TKT: variants seen among roughly 807,000 people sequenced by gnomAD.
The protein encoded by TKT is epididymis luminal protein 107.
Under a neutral mutation model 63.9 loss-of-function variants are expected in TKT, and 47 were observed. The observed-to-expected ratio is 0.74, with a 90% CI of 0.58 to 0.94. The LOEUF (loss-of-function observed/expected upper bound fraction) is 0.94. Among genes scored for constraint, TKT ranks in the 40% least tolerant of loss-of-function variants. The probability of loss-of-function intolerance (pLI) is 0.00; values close to 1 mark genes in which losing one functional copy is unlikely to be tolerated. For synonymous variants in TKT, 338 were observed against 334.1 expected (o/e 1.01, Z -0.13); for missense variants, 721 against 846.2 (o/e 0.85, Z 1.84).
chr3:53,250,183 C>T (rs1160309146), intron 1 of TKT, among the ~76,000 whole-genome samples: 2 of 152,192 alleles, frequency 1.3e-5, no homozygotes, highest in East Asian at 1.9e-4. Context: ...GCAATCTCAA[C>T]GGTCATGCTC....
chr3:53,237,203 C>T (rs180930156), intron 4 of TKT, among the ~76,000 whole-genome samples: 3 of 152,046 alleles, frequency 2.0e-5, no homozygotes, highest in Admixed American at 1.3e-4. Flanking sequence ...TCCTGGCCAA[C>T]GTCATGAAAC....
chr3:53,229,662 A>G (rs1553676546), intron 8 of TKT, among the ~76,000 whole-genome samples: 1 of 152,086 alleles, frequency 6.6e-6, no homozygotes. Flanking sequence ...CCAGGCCCCA[A>G]ATCACTCATC....
chr3:53,241,160 C>A lies in TKT; in HGVS notation c.311G>T (p.Ser104Ile). The A allele has an allele frequency of 6.3e-7, 1 of 1,581,600 alleles. No homozygotes were observed. Residue 104 changes from serine to isoleucine, a missense_variant, in exon 3 of 14, where the codon AGC becomes ATC. Coordinates refer to ENST00000462138, the MANE Select transcript of TKT (RefSeq NM_001064.4). ...EAELLNLRKI[S>I]SDLDGHPVPK... is the part of the protein sequence containing the mutation. ...GACCGGGTGCCCGTCCAAGTCGGAG[C>A]TGATCTTCCTCAGGTTCAGCAGCTC...
At position 53,225,079 on chromosome 3, in the gene TKT, T is replaced by C. The variant is rs116990537; in HGVS notation, c.*677A>G. 6 of 152,272 alleles carry C rather than the reference T, an allele frequency of 3.9e-5. No homozygotes were observed. The highest frequency in any genetic ancestry group is 3.9e-4 in the East Asian group (2 of 5,180). The allele number at this position is 152,272 out of a possible 1,614,324, so 9.4% of individuals were successfully genotyped here. A position where few individuals can be genotyped will look rare whatever the true frequency, so the allele number is the denominator to read the frequency against. On this transcript the variant is annotated 3_prime_UTR_variant, in exon 14 of 14. Coordinates refer to ENST00000462138, the MANE Select transcript of TKT (RefSeq NM_001064.4). ...TTGTCACATGGAGTCCCAGGCCCCA[T>C]TGGCAAGACCCAGAAATCTGCATTT... is the stretch of plus-strand genomic sequence containing the variant.
chr3:53,234,862 A>G, intron 5 of TKT, 121 bp downstream of exon 5: 1 of 997,366 alleles, frequency 1.0e-6, no homozygotes, highest in Non-Finnish European at 1.4e-6. Context: ...TGCTAAAGAA[A>G]GGGACCTTTA....
chr3:53,238,820 C>T (rs1399881400), intron 4 of TKT, among the ~76,000 whole-genome samples: 1 of 152,234 alleles, frequency 6.6e-6, no homozygotes, highest in Non-Finnish European at 1.5e-5. Flanking sequence ...GTTCTCACAC[C>T]ACTACCCAAC....
chr3:53,241,001 C>G (rs1705245915), intron 3 of TKT, 131 bp downstream of exon 3: 2 of 748,406 alleles, frequency 2.7e-6, no homozygotes, highest in African/African-American at 3.7e-5. Flanking sequence ...TCTTTCCTTC[C>G]TCAACTCAAT....
intron 1 of TKT, among the ~76,000 whole-genome samples, chr3:53,246,605 C>A (rs1171552402): frequency 6.6e-6 from 1 of 152,122 alleles, no homozygotes; most frequent in Non-Finnish European, 1.5e-5. Flanking sequence ...GTAATCCCAG[C>A]ACTTTGGGAG....
At chr3:53,251,677 T>C (rs1213491788) in intron 1 of TKT, among the ~76,000 whole-genome samples, 4 of 152,152 alleles carry the variant, frequency 2.6e-5, no homozygotes, top group African/African-American at 9.7e-5. Flanking sequence ...CAGCAAAAGA[T>C]TGGACCAAAG....
chr3:53,250,254 G>A (rs1287615716), intron 1 of TKT, among the ~76,000 whole-genome samples: 1 of 152,232 alleles, frequency 6.6e-6, no homozygotes, highest in East Asian at 1.9e-4. Flanking sequence ...CAGGCCCAGA[G>A]AGGCGGAGCC....
At position 53,229,005 on chromosome 3, in the gene TKT, ACCTTTGTATTGG is replaced by A; in HGVS notation, c.1385_1395+1del. The A allele has an allele frequency of 6.2e-7, 1 of 1,614,000 alleles. No homozygotes were observed. The highest frequency in any genetic ancestry group is 8.5e-7 in the Non-Finnish European group (1 of 1,179,980). ...AGGAGAAAGAACAGCCATGCAACCTACCTTTGTATTGGCGGCTAGTTCCACTGCCTTCTCTGT... is the reference window on the plus strand; with the variant it reads ...AGGAGAAAGAACAGCCATGCAACCTACGGCTAGTTCCACTGCCTTCTCTGT... On this transcript the variant is annotated splice_donor_variant and coding_sequence_variant, in exon 10 of 14. Transcript: ENST00000462138. LOFTEE classifies it high-confidence loss of function.
In TKT at chr3:53,241,222, G is replaced by A. The variant is rs782033095; in HGVS notation, c.249C>T (p.Tyr83=). 66 of 1,601,716 alleles carry A rather than the reference G, an allele frequency of 4.1e-5. No individual in the cohort carries two copies. Among genetic ancestry groups the A allele is most frequent in the South Asian group, 5.6e-5 (5 of 89,270 alleles). ...LSKGHAAPIL[Y]AVWAEAGFLA... is the part of the protein sequence containing the mutation. ...GGAAACCAGCTTCAGCCCAGACCGCGTAGAGGATGGGAGCTGCATGGCCCT... is the reference window on the plus strand; with the variant it reads ...GGAAACCAGCTTCAGCCCAGACCGCATAGAGGATGGGAGCTGCATGGCCCT... Residue 83 remains tyrosine (Y), a synonymous_variant, in exon 3 of 14, where the codon TAC becomes TAT. Transcript: ENST00000462138.
chr3:53,231,891 C>T (rs535532434), intron 6 of TKT: 14 of 327,564 alleles, frequency 4.3e-5, no homozygotes, highest in South Asian at 1.3e-4. Flanking sequence ...CCCACAACCC[C>T]GCCTGCAGGG....
rs558590436 is a variant in TKT, at chr3:53,227,896, A to T, written c.1573+160T>A. The stretch of plus-strand genomic sequence containing the variant: ...AACATGCCAGACAGAACAAGTGCTC[A>T]AAGGATGGCTATAATTGCTATCATT... On this transcript the variant is annotated intron_variant, in intron 12 of 13. Coordinates refer to ENST00000462138, the MANE Select transcript of TKT (RefSeq NM_001064.4). The T allele has an allele frequency of 1.2e-5, 8 of 650,796 alleles. No individual in the cohort carries two copies. In the African/African-American group the frequency reaches 1.5e-4, roughly 12 times the overall value. The allele number at this position is 650,796 out of a possible 1,614,324, so 40.3% of individuals were successfully genotyped here.
At chr3:53,235,232 C>G in intron 4 of TKT, 58 bp from the exon 5 acceptor site, 2 of 1,302,660 alleles carry the variant, frequency 1.5e-6, no homozygotes, top group South Asian at 3.0e-5. Context: ...CTGGCTCCCA[C>G]CCCCCCACCC....
In TKT at chr3:53,240,274, G is replaced by A. The variant is rs146114378; in HGVS notation, c.414C>T (p.Thr138=). ...ACCTGGCCTTGTCGAAGTATTTGCC[G>A]GTGTAGGCCATCCCACAAGCGGCCC... ...GLGAACGMAY[T]GKYFDKASYR... is the part of the protein sequence containing the mutation. The change falls in exon 4 of 14, where the codon ACC becomes ACT. Residue 138 remains threonine, a synonymous_variant. Transcript: ENST00000462138. The A allele has an allele frequency of 9.5e-5, 153 of 1,613,088 alleles. No individual in the cohort carries two copies. The highest frequency in any genetic ancestry group is 1.6e-4 in the Middle Eastern group (1 of 6,078).
Position 53,230,197 on chromosome 3 carries a change from C to T in TKT, c.1107+260G>A, listed in dbSNP as rs1266853514. 3.3e-5 allele frequency among the ~76,000 whole-genome samples: 5 copies of T among 152,248 alleles called. No individual in the cohort carries two copies. In the East Asian group the frequency reaches 7.7e-4, roughly 23 times the overall value. ...CATTCACCACCAGGCCTGGCCTGTA[C>T]GCAGCTCCTCCTGAGAGCACCTGCA... On this transcript the variant is annotated intron_variant, in intron 8 of 13. Coordinates refer to ENST00000462138, the MANE Select transcript of TKT (RefSeq NM_001064.4).
chr3:53,236,464 G>A (rs1705039644), intron 4 of TKT, among the ~76,000 whole-genome samples: 1 of 152,182 alleles, frequency 6.6e-6, no homozygotes, highest in Non-Finnish European at 1.5e-5. Flanking sequence ...GGGTACCATG[G>A]CCAGAAGGAC....
rs115391453 is a variant in TKT, at chr3:53,231,387, G to A, written c.912C>T (p.Pro304=). ...PSVDIANIRM[P]SLPSYKVGDK... is the part of the protein sequence containing the mutation. ...CCCCAACTTTGTAGCTGGGCAGGCT[G>A]GGCATGCGGATGTTGGCAATGTCCA... is the stretch of plus-strand genomic sequence containing the variant. Residue 304 remains proline (P), a synonymous_variant, in exon 7 of 14, where the codon CCC becomes CCT. Transcript: ENST00000462138. The A allele has an allele frequency of 2.5e-6, 4 of 1,613,798 alleles. No homozygotes were observed. The African/African-American group carries it at 4.0e-5, about 16-fold the overall frequency.
Sources: gnomAD v4.1 joint callset for allele counts (sites outside exome capture counted in the v4.1 genomes callset) on GRCh38, gnomAD v4.1.1 for gene constraint, MANE v1.5 for transcripts, NCBI Gene and HGNC (gene_info 2026-07-23, HGNC 2026-07-21) for gene names.